METTL15: variants seen among roughly 807,000 people sequenced by gnomAD.
METTL15 encodes the protein methyltransferase 15, mitochondrial 12S rRNA N4-cytidine.
METTL15 carries 34 observed loss-of-function variants against 38.3 expected under a neutral mutation model. The observed-to-expected ratio is 0.89, with a 90% CI of 0.68 to 1.18. The LOEUF (loss-of-function observed/expected upper bound fraction) is 1.18. METTL15 is among the 50% of genes most tolerant of loss of function. METTL15 has a pLI of 0.00. For synonymous variants in METTL15, 162 were observed against 170.9 expected (o/e 0.95, Z 0.41); for missense variants, 438 against 498.4 (o/e 0.88, Z 1.15).
intron 5 of METTL15, among the ~76,000 whole-genome samples, chr11:28,392,983 G>A (rs924318039): frequency 6.6e-6 from 1 of 151,708 alleles, no homozygotes; most frequent in Non-Finnish European, 1.5e-5. Flanking sequence ...GAATGACAAC[G>A]GGGAAAAAAA....
At chr11:28,529,615 C>T (rs114346155), downstream of METTL15, among the ~76,000 whole-genome samples, 7,627 of 93,246 alleles carry the variant, frequency 0.082, 348 homozygotes, top group Middle Eastern at 0.25. Flanking sequence ...GGGTGGGGGG[C>T]GGGGGTAGGA....
intron 6 of METTL15, among the ~76,000 whole-genome samples, chr11:28,299,895 C>T (rs751621211): frequency 1.4e-4 from 22 of 152,048 alleles, no homozygotes; most frequent in Admixed American, 2.6e-4. Flanking sequence ...CTTGGCTTGT[C>T]GATATATCAC....
chr11:28,287,170 G>C (rs1856309379), intron 4 of METTL15: 1 of 193,374 alleles, frequency 5.2e-6, no homozygotes. Context: ...GTGTGTGTGT[G>C]TGTGTGTGTG....
intron 5 of METTL15, among the ~76,000 whole-genome samples, chr11:28,366,883 G>C (rs569491732): frequency 1.1e-4 from 16 of 152,084 alleles, no homozygotes; most frequent in Admixed American, 2.0e-4. Flanking sequence ...GTCTTTATGA[G>C]AACTCCACAA....
chr11:28,460,941 AG>A (rs1851208552), intron 6 of METTL15, among the ~76,000 whole-genome samples: 1 of 152,088 alleles, frequency 6.6e-6, no homozygotes, highest in South Asian at 2.1e-4. Flanking sequence ...AGAGAGAAAG[AG>A]GAGGTAGGTT....
rs562844739 is a variant in METTL15 at position 28,514,461 on chromosome 11, G to A, written c.*425-12017G>A. 9.9e-4 allele frequency among the ~76,000 whole-genome samples: 151 copies of A among 152,284 alleles called. 1 individual carries two copies. The highest frequency in any genetic ancestry group is 3.4e-3 in the African/African-American group (143 of 41,558). On this transcript the variant is annotated intron_variant and NMD_transcript_variant, in intron 6 of 7. Transcript: ENST00000532947. Reference sequence around the variant, plus strand: ...AGGAAATGGAGCCAGAGTCCTGAACGAACTATTTCTAAATTCCATACTAGC... The same window carrying A: ...AGGAAATGGAGCCAGAGTCCTGAACAAACTATTTCTAAATTCCATACTAGC...
At chr11:28,208,401 T>G (rs1001833670) in intron 3 of METTL15, among the ~76,000 whole-genome samples, 1 of 152,176 alleles carries the variant, frequency 6.6e-6, no homozygotes, top group Non-Finnish European at 1.5e-5. Flanking sequence ...TTGTTCAGTT[T>G]CCATGTAGTT....
intron 3 of METTL15, among the ~76,000 whole-genome samples, chr11:28,117,259 GTATATATATATATATATATA>G (rs60938215): frequency 2.0e-4 from 22 of 108,582 alleles, no homozygotes; most frequent in East Asian, 1.1e-3. Context: ...GTGTGTGTGT[GTATATATATATATATATATA>G]TATATATATA....
chr11:28,502,167 C>T lies in METTL15; in HGVS notation c.*425-24311C>T, dbSNP rs148666684. ...CAGAAACCATAGACCCCCTTATATC[C>T]AGCTATCTTCTTGGAGAGGAGTTAA... On this transcript the variant is annotated intron_variant and NMD_transcript_variant, in intron 6 of 7. Coordinates refer to the METTL15 transcript ENST00000532947. Among the ~76,000 whole-genome samples, 467 of 151,514 alleles carry T rather than the reference C, an allele frequency of 3.1e-3. 1 individual carries two copies. The highest frequency in any genetic ancestry group is 0.011 in the African/African-American group (456 of 41,334).
At chr11:28,294,689 G>A (rs756113349) in intron 5 of METTL15, among the ~76,000 whole-genome samples, 1 of 152,060 alleles carries the variant, frequency 6.6e-6, no homozygotes, top group African/African-American at 2.4e-5. Flanking sequence ...TAGTTGGGGG[G>A]CAGCTCTTGG....
At chr11:28,339,603 C>T (rs926815358) in intron 3 of METTL15, among the ~76,000 whole-genome samples, 5 of 150,540 alleles carry the variant, frequency 3.3e-5, no homozygotes, top group Non-Finnish European at 7.4e-5. Context: ...TAATTGGCCT[C>T]CCAAAAAGAG....
intron 4 of METTL15, among the ~76,000 whole-genome samples, chr11:28,223,783 C>T (rs1165092321): frequency 6.6e-6 from 1 of 152,018 alleles, no homozygotes; most frequent in Non-Finnish European, 1.5e-5. Context: ...TGTTTGAAGA[C>T]TGAAACTTTT....
rs765139244 is a variant in METTL15 at position 28,159,426 on chromosome 11, A to G, written c.270+45822A>G. Among the ~76,000 whole-genome samples the G allele has an allele frequency of 3.3e-5, 5 of 151,818 alleles. No individual in the cohort carries two copies. The South Asian group carries it at 8.4e-4, about 25-fold the overall frequency. ...AGTGATCCAGACCCTTCATGAATGA[A>G]GGTTTGAATCACTCCACCAGGAAAA... is the stretch of plus-strand genomic sequence containing the variant. On this transcript the variant is annotated intron_variant, in intron 3 of 6. Transcript: ENST00000407364.
intron 4 of METTL15, among the ~76,000 whole-genome samples, chr11:28,232,217 G>C (rs1446356780): frequency 6.6e-6 from 1 of 151,776 alleles, no homozygotes; most frequent in Non-Finnish European, 1.5e-5. Flanking sequence ...GATAAACCCT[G>C]ATTAGATATA....
At chr11:28,245,520 G>A (rs1854472951) in intron 4 of METTL15, among the ~76,000 whole-genome samples, 4 of 151,984 alleles carry the variant, frequency 2.6e-5, no homozygotes, top group South Asian at 2.1e-4. Flanking sequence ...GAAAATCAAC[G>A]TAGAACAGTA....
At chr11:28,473,573 TTTCTC>T (rs1851319674) in intron 6 of METTL15, among the ~76,000 whole-genome samples, 1 of 152,102 alleles carries the variant, frequency 6.6e-6, no homozygotes, top group South Asian at 2.1e-4. Context: ...TCATGACTCT[TTTCTC>T]TTGAGAGCTC....
At chr11:28,113,786 C>T (rs570744963) in intron 3 of METTL15, among the ~76,000 whole-genome samples, 182 bp downstream of exon 3, 1 of 152,194 alleles carries the variant, frequency 6.6e-6, no homozygotes, top group Admixed American at 6.5e-5. Flanking sequence ...TGCCATACAA[C>T]CATGCTTTTT....
At chr11:28,425,412 A>G (rs1274255513) in intron 6 of METTL15, among the ~76,000 whole-genome samples, 1 of 152,184 alleles carries the variant, frequency 6.6e-6, no homozygotes, top group Non-Finnish European at 1.5e-5. Context: ...TTCTCTAGTG[A>G]CATCTCTTGT....
chr11:28,420,416 A>G (rs1850809287), intron 5 of METTL15, among the ~76,000 whole-genome samples: 1 of 152,194 alleles, frequency 6.6e-6, no homozygotes, highest in Non-Finnish European at 1.5e-5. Flanking sequence ...TGTAGAATAC[A>G]CATTCTTTCC....
Sources: allele counts gnomAD v4.1 joint callset (sites outside exome capture counted in the v4.1 genomes callset), GRCh38; gene constraint gnomAD v4.1.1; transcripts MANE v1.5; gene names NCBI Gene and HGNC (gene_info 2026-07-23, HGNC 2026-07-21).